The following PKDREJ variants were observed in gnomAD, a reference collection of about 807,000 sequenced individuals.
PKDREJ encodes the protein PKD and REJ homolog.
For missense variants in PKDREJ, 2,507 were observed against 2,807.2 expected (o/e 0.89, Z 2.42); for synonymous variants, 1,031 against 1,095.5 (o/e 0.94, Z 1.16).
rs1462022086 is a variant in PKDREJ, at chr22:46,256,863, A to G, written c.6460T>C (p.Ser2154Pro). Residue 2154 changes from serine to proline, a missense_variant, in exon 1 of 1, where the codon TCT becomes CCT. Ser to Pro is a moderately conservative substitution (Grantham distance 74). Coordinates refer to ENST00000253255, the MANE Select transcript of PKDREJ (RefSeq NM_006071.2). The surrounding 1 kb of genome is among the most constrained non-coding windows in gnomAD (Gnocchi z 5.3). ...ACGCAGATCATCACCAGCATGAAAG[A>G]TGAGAGGAACAGGACCCCCAGAATC... ...NRILGVLFLS[S>P]FMLVMICVLI... The G allele has an allele frequency of 6.2e-7, 1 of 1,614,086 alleles. No homozygotes were observed. Among genetic ancestry groups the G allele is most frequent in the African/African-American group, 1.3e-5 (1 of 75,062 alleles).
rs746697956 is a variant in PKDREJ at position 46,257,717 on chromosome 22, G to C, written c.5606C>G (p.Ser1869Cys). The C allele has an allele frequency of 2.5e-6, 4 of 1,614,018 alleles. No individual in the cohort carries two copies. The highest frequency in any genetic ancestry group is 3.4e-6 in the Non-Finnish European group (4 of 1,180,030). Residue 1869 changes from serine (S) to cysteine (C), a missense_variant, in exon 1 of 1, where the codon TCC becomes TGC. Coordinates refer to ENST00000253255, the MANE Select transcript of PKDREJ (RefSeq NM_006071.2). This position sits in a 1 kb window ranked among gnomAD's most constrained non-coding sequence, Gnocchi z 4.7. ...KPQGTQWLYYSYGLLHTYGSG... is the reference protein window; with the variant it reads ...KPQGTQWLYYCYGLLHTYGSG... Reference sequence around the variant, plus strand: ...TCCATAGGTGTGTAGTAGTCCATAGGAATAATATAGCCATTGCGTTCCTTG... The same window carrying C: ...TCCATAGGTGTGTAGTAGTCCATAGCAATAATATAGCCATTGCGTTCCTTG...
At position 46,256,309 on chromosome 22, in the gene PKDREJ, C is replaced by G; in HGVS notation, c.*252G>C. On this transcript the variant is annotated 3_prime_UTR_variant, in exon 1 of 1. Coordinates refer to ENST00000253255, the MANE Select transcript of PKDREJ (RefSeq NM_006071.2). The surrounding 1 kb of genome is among the most constrained non-coding windows in gnomAD (Gnocchi z 5.3). The stretch of plus-strand genomic sequence containing the variant: ...GTACGGGGAGTCACATAACTCCCCT[C>G]TAAAGGGAAATCAGTCCAGGAATCC... 1.9e-6 allele frequency: 1 copy of G among 536,296 alleles called. No individual in the cohort carries two copies. The highest frequency in any genetic ancestry group is 3.2e-6 in the Non-Finnish European group (1 of 316,548). The allele number at this position is 536,296 out of a possible 1,614,324, so 33.2% of individuals were successfully genotyped here. A position where few individuals can be genotyped will look rare whatever the true frequency, so the allele number is the denominator to read the frequency against.
chr22:46,261,035 G>A lies in PKDREJ; in HGVS notation c.2288C>T (p.Thr763Ile), dbSNP rs1384929670. ...CCAAGTGAATTCAGAGGGTTTCTGGGTTAATTTGGTAATAGTCATGACTAC... is the reference window on the plus strand; with the variant it reads ...CCAAGTGAATTCAGAGGGTTTCTGGATTAATTTGGTAATAGTCATGACTAC... Reference protein sequence around the residue: ...GQVVMTITKLTQKPSEFTWDA... With the variant: ...GQVVMTITKLIQKPSEFTWDA... The change falls in exon 1 of 1, where the codon ACC becomes ATC. Residue 763 changes from threonine to isoleucine, a missense_variant. Transcript: ENST00000253255. The surrounding 1 kb of genome is among the most constrained non-coding windows in gnomAD (Gnocchi z 7.1). The A allele has an allele frequency of 1.9e-6, 3 of 1,614,012 alleles. No homozygotes were observed. In the African/African-American group the frequency reaches 4.0e-5, roughly 22 times the overall value.
chr22:46,262,683 C>G lies in PKDREJ; in HGVS notation c.640G>C (p.Ala214Pro). The G allele has an allele frequency of 6.2e-7, 1 of 1,613,134 alleles. No individual in the cohort carries two copies. Reference protein sequence around the residue: ...VESSVSCQINACVIQRVRINT... With the variant: ...VESSVSCQINPCVIQRVRINT... ...ATCCTCACGCGCTGGATGACGCAGG[C>G]GTTTATCTGACAGGACACGGACGAC... Residue 214 changes from alanine (A) to proline (P), a missense_variant, in exon 1 of 1, where the codon GCC (alanine) becomes CCC (proline). Coordinates refer to ENST00000253255, the MANE Select transcript of PKDREJ (RefSeq NM_006071.2). This position sits in a 1 kb window ranked among gnomAD's most constrained non-coding sequence, Gnocchi z 8.1.
chr22:46,260,652 C>T lies in PKDREJ; in HGVS notation c.2671G>A (p.Val891Met). ...CRNCFYPTLN[V>M]SSVPGLSANG... ...GCAGACAGACCAGGAACACTGCTCA[C>T]ATTGAGTGTTGGATAAAAACAATTT... Residue 891 changes from valine (V) to methionine (M), a missense_variant, in exon 1 of 1, where the codon GTG becomes ATG. Val to Met is a conservative substitution (Grantham distance 21, BLOSUM62 1). Transcript: ENST00000253255. This position sits in a 1 kb window ranked among gnomAD's most constrained non-coding sequence, Gnocchi z 4.5. 1 of 1,613,986 alleles carries T rather than the reference C, an allele frequency of 6.2e-7. No individual in the cohort carries two copies. Among genetic ancestry groups the T allele is most frequent in the Non-Finnish European group, 8.5e-7 (1 of 1,179,836 alleles).
Position 46,260,654 on chromosome 22 carries a change from T to C in PKDREJ, c.2669A>G (p.Asn890Ser), listed in dbSNP as rs111396160. The change falls in exon 1 of 1, where the codon AAT becomes AGT. Residue 890 changes from asparagine (N) to serine (S), a missense_variant. Physicochemically the swap from Asn to Ser is conservative, Grantham distance 46. Coordinates refer to ENST00000253255, the MANE Select transcript of PKDREJ (RefSeq NM_006071.2). This position sits in a 1 kb window ranked among gnomAD's most constrained non-coding sequence, Gnocchi z 4.5. ...HCRNCFYPTL[N>S]VSSVPGLSAN... ...AGACAGACCAGGAACACTGCTCACA[T>C]TGAGTGTTGGATAAAAACAATTTCT... is the stretch of plus-strand genomic sequence containing the variant. 1,120 of 1,614,014 alleles carry C rather than the reference T, an allele frequency of 6.9e-4. 7 individuals carry two copies. In the Middle Eastern group the frequency reaches 9.2e-3, roughly 13 times the overall value.
Position 46,257,165 on chromosome 22 carries a change from A to G in PKDREJ, c.6158T>C (p.Ile2053Thr), listed in dbSNP as rs373251194. The change falls in exon 1 of 1, where the codon ATT becomes ACT. Residue 2053 changes from isoleucine to threonine, a missense_variant. By Grantham distance (89) the Ile-to-Thr change is moderately conservative (BLOSUM62 -1). Coordinates refer to ENST00000253255, the MANE Select transcript of PKDREJ (RefSeq NM_006071.2). This position sits in a 1 kb window ranked among gnomAD's most constrained non-coding sequence, Gnocchi z 4.7. ...VSQVDHIMRI[I>T]LGFLLFLTIL... ...TGTCAGAAATAACAGGAAACCCAAA[A>G]TTATCCTCATAATGTGATCTACCTG... 6.2e-7 allele frequency: 1 copy of G among 1,613,970 alleles called. No individual in the cohort carries two copies.
rs1187174024 is a variant in PKDREJ, at chr22:46,263,070, C to A, written c.253G>T (p.Gly85Trp). Residue 85 changes from glycine to tryptophan, a missense_variant, in exon 1 of 1, where the codon GGG (glycine) becomes TGG (tryptophan). Gly to Trp is a radical substitution (Grantham distance 184). Transcript: ENST00000253255. The surrounding 1 kb of genome is among the most constrained non-coding windows in gnomAD (Gnocchi z 9.4). ...AAGTCGAGGCAGTACCAGCGCCGCC[C>A]GGTCCCGCCATGGGGGAAGCAGAGG... ...GSLCFPHGGTGRRWYCLDLRV... is the reference protein window; with the variant it reads ...GSLCFPHGGTWRRWYCLDLRV... 7.5e-7 allele frequency: 1 copy of A among 1,333,888 alleles called. No individual in the cohort carries two copies. Among genetic ancestry groups the A allele is most frequent in the Middle Eastern group, 2.9e-4 (1 of 3,460 alleles). 82.6% of individuals were successfully genotyped at this position (1,333,888 alleles called of 1,614,324 possible).
Position 46,262,078 on chromosome 22 carries a change from T to C in PKDREJ, c.1245A>G (p.Val415=), listed in dbSNP as rs373066856. 3 of 1,614,032 alleles carry C rather than the reference T, an allele frequency of 1.9e-6. No individual in the cohort carries two copies. Among genetic ancestry groups the C allele is most frequent in the African/African-American group, 1.3e-5 (1 of 74,928 alleles). The change falls in exon 1 of 1, where the codon GTA becomes GTG. Residue 415 remains valine, a synonymous_variant. Transcript: ENST00000253255. This position sits in a 1 kb window ranked among gnomAD's most constrained non-coding sequence, Gnocchi z 8.1. ...TAAGTGTTTCTGGCAAAAGTGTCAG[T>C]ACAGGGCCCGAGGCCCAGGGCCATT... ...NLKWPWASGP[V]LTLLPETLKG... is the part of the protein sequence containing the mutation.
In PKDREJ at chr22:46,260,791, A is replaced by G. The variant is rs766313915; in HGVS notation, c.2532T>C (p.Asn844=). 1.9e-6 allele frequency: 3 copies of G among 1,613,990 alleles called. No individual in the cohort carries two copies. Among genetic ancestry groups the G allele is most frequent in the South Asian group, 2.2e-5 (2 of 91,080 alleles). The change falls in exon 1 of 1, where the codon AAT becomes AAC. Residue 844 remains asparagine (N), a synonymous_variant. Transcript: ENST00000253255. The surrounding 1 kb of genome is among the most constrained non-coding windows in gnomAD (Gnocchi z 4.5). The part of the protein sequence containing the change: ...IESLSDTILA[N]KVPGNKTTSM... ...AGGTGGTTTTGTTCCCTGGCACTTT[A>G]TTAGCCAGTATTGTGTCTGATAGAG... is the stretch of plus-strand genomic sequence containing the variant.
Position 46,256,621 on chromosome 22 carries a change from A to G in PKDREJ, c.6702T>C (p.Arg2234=). 1 of 1,614,176 alleles carries G rather than the reference A, an allele frequency of 6.2e-7. No individual in the cohort carries two copies. The highest frequency in any genetic ancestry group is 1.1e-5 in the South Asian group (1 of 91,076). ...TGTTTCTGGTCTTCAGCCCCAGATA[A>G]CGGTGGCTGTTCTTCTCTGGCTGCC... ...LYGQPEKNSH[R]YLGLKTRNIN... Residue 2234 remains arginine, a synonymous_variant, in exon 1 of 1, where the codon CGT becomes CGC. Coordinates refer to ENST00000253255, the MANE Select transcript of PKDREJ (RefSeq NM_006071.2). This position sits in a 1 kb window ranked among gnomAD's most constrained non-coding sequence, Gnocchi z 5.3.
Position 46,261,895 on chromosome 22 carries a change from A to G in PKDREJ, c.1428T>C (p.Phe476=). Residue 476 remains phenylalanine, a synonymous_variant, in exon 1 of 1, where the codon TTT becomes TTC. Coordinates refer to ENST00000253255, the MANE Select transcript of PKDREJ (RefSeq NM_006071.2). The surrounding 1 kb of genome is among the most constrained non-coding windows in gnomAD (Gnocchi z 7.1). The part of the protein sequence containing the change: ...CERNFIVSDR[F]SLFLNCTNCA... Reference sequence around the variant, plus strand: ...AATTTGTGCAATTTAGGAACAAAGAAAATCTATCAGAGACAATGAAGTTTC... The same window carrying G: ...AATTTGTGCAATTTAGGAACAAAGAGAATCTATCAGAGACAATGAAGTTTC... 1 of 1,614,096 alleles carries G rather than the reference A, an allele frequency of 6.2e-7. No individual in the cohort carries two copies. The highest frequency in any genetic ancestry group is 8.5e-7 in the Non-Finnish European group (1 of 1,180,010).
rs530535100 is a variant in PKDREJ, at chr22:46,258,365, T to G, written c.4958A>C (p.Tyr1653Ser). The G allele has an allele frequency of 1.8e-5, 29 of 1,614,210 alleles. No individual in the cohort carries two copies. In the Middle Eastern group the frequency reaches 4.9e-4, roughly 28 times the overall value. The change falls in exon 1 of 1, where the codon TAT (tyrosine) becomes TCT (serine). Residue 1653 changes from tyrosine (Y) to serine (S), a missense_variant. By Grantham distance (144) the Tyr-to-Ser change is moderately radical. Transcript: ENST00000253255. The surrounding 1 kb of genome is among the most constrained non-coding windows in gnomAD (Gnocchi z 6.1). ...YCKNLSWSTK[Y>S]KYTEIRLDGM... The stretch of plus-strand genomic sequence containing the variant: ...ATCCAACCTGATCTCAGTATATTTA[T>G]ACTTGGTTGACCATGAAAGGTTTTT...
chr22:46,256,783 C>G lies in PKDREJ; in HGVS notation c.6540G>C (p.Gln2180His). The G allele has an allele frequency of 1.2e-6, 2 of 1,614,072 alleles. No homozygotes were observed. Among genetic ancestry groups the G allele is most frequent in the Non-Finnish European group, 1.7e-6 (2 of 1,180,044 alleles). ...VILSAYEEMKQPVYEEPSDEV... is the reference protein window; with the variant it reads ...VILSAYEEMKHPVYEEPSDEV... ...CATCCGATGGCTCCTCATACACGGG[C>G]TGCTTCATTTCCTCATATGCAGACA... The change falls in exon 1 of 1, where the codon CAG (glutamine) becomes CAC (histidine). Residue 2180 changes from glutamine to histidine, a missense_variant. Transcript: ENST00000253255. The surrounding 1 kb of genome is among the most constrained non-coding windows in gnomAD (Gnocchi z 5.3).
At position 46,260,009 on chromosome 22, in the gene PKDREJ, A is replaced by G. The variant is rs1343861686; in HGVS notation, c.3314T>C (p.Leu1105Ser). The G allele has an allele frequency of 6.2e-7, 1 of 1,614,182 alleles. No homozygotes were observed. Among genetic ancestry groups the G allele is most frequent in the East Asian group, 2.2e-5 (1 of 44,892 alleles). Residue 1105 changes from leucine to serine, a missense_variant, in exon 1 of 1, where the codon TTG becomes TCG. Coordinates refer to ENST00000253255, the MANE Select transcript of PKDREJ (RefSeq NM_006071.2). The surrounding 1 kb of genome is among the most constrained non-coding windows in gnomAD (Gnocchi z 4.5). Reference sequence around the variant, plus strand: ...TTCACTCTGGATCCCATACATGTCCAAGCACTGGACGCTGAAAATAGAAAT... The same window carrying G: ...TTCACTCTGGATCCCATACATGTCCGAGCACTGGACGCTGAAAATAGAAAT... Reference protein sequence around the residue: ...VRISIFSVQCLDMYGIQSEWR... With the variant: ...VRISIFSVQCSDMYGIQSEWR...
At position 46,260,519 on chromosome 22, in the gene PKDREJ, C is replaced by T. The variant is rs1352521884; in HGVS notation, c.2804G>A (p.Gly935Glu). ...TAGCACACTACCGTTATCTGCAACT[C>T]CTGTCATTCTGAATCCAGACACCTC... ...SVEVSGFRMT[G>E]VADNGSVLEI... Residue 935 changes from glycine to glutamate, a missense_variant, in exon 1 of 1, where the codon GGA becomes GAA. Coordinates refer to ENST00000253255, the MANE Select transcript of PKDREJ (RefSeq NM_006071.2). The surrounding 1 kb of genome is among the most constrained non-coding windows in gnomAD (Gnocchi z 4.5). 1 of 1,614,040 alleles carries T rather than the reference C, an allele frequency of 6.2e-7. No homozygotes were observed. Among genetic ancestry groups the T allele is most frequent in the African/African-American group, 1.3e-5 (1 of 74,934 alleles).
Position 46,256,484 on chromosome 22 carries a change from C to T in PKDREJ, c.*77G>A. On this transcript the variant is annotated 3_prime_UTR_variant, in exon 1 of 1. Coordinates refer to ENST00000253255, the MANE Select transcript of PKDREJ (RefSeq NM_006071.2). This position sits in a 1 kb window ranked among gnomAD's most constrained non-coding sequence, Gnocchi z 5.3. ...GTAGAAAGCATGACTAGGCCACTGA[C>T]ACTCCCTAATCCCCTTAATCCCACA... 4.6e-6 allele frequency: 7 copies of T among 1,524,024 alleles called. No homozygotes were observed. The East Asian group carries it at 1.1e-4, about 25-fold the overall frequency. The allele number at this position is 1,524,024 out of a possible 1,614,324, so 94.4% of individuals were successfully genotyped here. A position where few individuals can be genotyped will look rare whatever the true frequency, so the allele number is the denominator to read the frequency against.
chr22:46,262,888 C>A lies in PKDREJ; in HGVS notation c.435G>T (p.Leu145=), dbSNP rs1449117347. 4 of 1,077,448 alleles carry A rather than the reference C, an allele frequency of 3.7e-6. No homozygotes were observed. The highest frequency in any genetic ancestry group is 4.5e-6 in the Non-Finnish European group (4 of 890,186). The allele number at this position is 1,077,448 out of a possible 1,614,324, so 66.7% of individuals were successfully genotyped here. ...GGGCGGCGCCGGGTCCGAGCAGCCG[C>A]AGGCGGAAGGCCCAGGCCAGGCGCC... is the stretch of plus-strand genomic sequence containing the variant. ...SPGRLAWAFR[L]RLLGPGAARP... The change falls in exon 1 of 1, where the codon CTG becomes CTT. Residue 145 remains leucine, a synonymous_variant. Transcript: ENST00000253255. This position sits in a 1 kb window ranked among gnomAD's most constrained non-coding sequence, Gnocchi z 8.1.
Position 46,261,262 on chromosome 22 carries a change from G to A in PKDREJ, c.2061C>T (p.Thr687=), listed in dbSNP as rs553322067. ...KTVLNQLLSF[T]VGPSSLLSTL... is the part of the protein sequence containing the mutation. ...TAGACAGCAATGAACTTGGTCCCAC[G>A]GTGAAACTGAGTAACTGATTCAACA... The change falls in exon 1 of 1, where the codon ACC becomes ACT. Residue 687 remains threonine, a synonymous_variant. Coordinates refer to ENST00000253255, the MANE Select transcript of PKDREJ (RefSeq NM_006071.2). This position sits in a 1 kb window ranked among gnomAD's most constrained non-coding sequence, Gnocchi z 7.1. 17 of 1,613,928 alleles carry A rather than the reference G, an allele frequency of 1.1e-5. No individual in the cohort carries two copies. Among genetic ancestry groups the A allele is most frequent in the Middle Eastern group, 1.6e-4 (1 of 6,062 alleles).
Sources: allele counts gnomAD v4.1 joint callset, GRCh38; gene constraint gnomAD v4.1.1; non-coding constraint Gnocchi (gnomAD v3.1); transcripts MANE v1.5; gene names NCBI Gene and HGNC (gene_info 2026-07-23, HGNC 2026-07-21).